AK7: variants seen among roughly 807,000 people sequenced by gnomAD.
AK7 encodes the protein adenylate kinase 7.
AK7 carries 78 observed loss-of-function variants against 96.6 expected under a neutral mutation model. The ratio of observed to expected loss-of-function variants is 0.81; its 90% confidence interval spans 0.67 to 0.97. The LOEUF is 0.97. AK7 is among the 50% of genes least tolerant of loss of function. The pLI is 0.00. For synonymous variants in AK7, 302 were observed against 317.2 expected (o/e 0.95, Z 0.51); for missense variants, 855 against 887.9 (o/e 0.96, Z 0.47).
rs536767883 is a variant in AK7 at position 96,406,070 on chromosome 14, T to C, written c.403+1205T>C. Among the ~76,000 whole-genome samples, 950 of 152,160 alleles carry C rather than the reference T, an allele frequency of 6.2e-3. 12 individuals are homozygous for C. Among genetic ancestry groups the C allele is most frequent in the African/African-American group, 0.022 (908 of 41,520 alleles). ...CAAAGCAACCTCATTTTTTTTTTTT[T>C]TGAGGCAAGATCTTGCTCTGTCACC... On this transcript the variant is annotated intron_variant, in intron 3 of 17. Transcript: ENST00000267584.
At chr14:96,429,441 G>A (rs2140063102) in intron 5 of AK7, among the ~76,000 whole-genome samples, 1 of 152,264 alleles carries the variant, frequency 6.6e-6, no homozygotes, top group Admixed American at 6.5e-5. Context: ...TCTTGGCAAT[G>A]CGGGCTCTTT....
In AK7 at chr14:96,488,250, A is replaced by G. The variant is rs2140190409; in HGVS notation, c.2134-55A>G. ...TAAATTGTAAACATTACTAATACAA[A>G]TACATGACTAATAATAACTTGTAAA... On this transcript the variant is annotated intron_variant, in intron 17 of 17. Coordinates refer to ENST00000267584, the MANE Select transcript of AK7 (RefSeq NM_152327.5). 1.7e-5 allele frequency: 25 copies of G among 1,502,656 alleles called. No homozygotes were observed. In the Middle Eastern group the frequency reaches 1.2e-3, roughly 71 times the overall value. 93.1% of individuals were successfully genotyped at this position (1,502,656 alleles called of 1,614,324 possible). A position where few individuals can be genotyped will look rare whatever the true frequency, so the allele number is the denominator to read the frequency against.
intron 5 of AK7, among the ~76,000 whole-genome samples, chr14:96,433,677 C>T (rs1892481774): frequency 6.6e-6 from 1 of 152,212 alleles, no homozygotes; most frequent in Admixed American, 6.5e-5. Context: ...CTTCTGTCAA[C>T]TCGTCAAAGT....
At chr14:96,405,655 G>A (rs1028474213) in intron 3 of AK7, among the ~76,000 whole-genome samples, 1 of 152,090 alleles carries the variant, frequency 6.6e-6, no homozygotes, top group African/African-American at 2.4e-5. Flanking sequence ...AACAAAGGGG[G>A]GTGCGCTCAC....
At chr14:96,480,421 C>T (rs974401308) in intron 15 of AK7, among the ~76,000 whole-genome samples, 12 of 150,936 alleles carry the variant, frequency 8.0e-5, no homozygotes, top group Middle Eastern at 3.2e-3. Flanking sequence ...GACAGTGAGA[C>T]TCTGTCTCAA....
intron 5 of AK7, among the ~76,000 whole-genome samples, chr14:96,424,738 G>A (rs1891924373): frequency 6.6e-6 from 1 of 152,124 alleles, no homozygotes; most frequent in South Asian, 2.1e-4. Flanking sequence ...TATGACCTTA[G>A]CCGTGTTATT....
chr14:96,404,172 A>C (rs1890576474), intron 2 of AK7, among the ~76,000 whole-genome samples: 1 of 146,672 alleles, frequency 6.8e-6, no homozygotes, highest in Non-Finnish European at 1.5e-5. Flanking sequence ...AAAAAAAAAA[A>C]ACACCAAAAA....
chr14:96,448,499 G>A (rs117963790), intron 8 of AK7, among the ~76,000 whole-genome samples: 2,589 of 151,774 alleles, frequency 0.017, 47 homozygotes, highest in Non-Finnish European at 0.026. Context: ...GCTTGGTGGT[G>A]CACATCTATA....
chr14:96,424,187 C>T lies in AK7; in HGVS notation c.609+3255C>T, dbSNP rs1220711714. On this transcript the variant is annotated intron_variant, in intron 5 of 17. Transcript: ENST00000267584. Reference sequence around the variant, plus strand: ...CGTCCACTTCCTGAAGGCTCCAGGGCCCGGACCGCTGTCTGAGGTTCACCC... The same window carrying T: ...CGTCCACTTCCTGAAGGCTCCAGGGTCCGGACCGCTGTCTGAGGTTCACCC... 1.0e-5 allele frequency: 6 copies of T among 586,554 alleles called. No homozygotes were observed. The East Asian group carries it at 2.5e-4, about 24-fold the overall frequency. The allele number at this position is 586,554 out of a possible 1,614,324, so 36.3% of individuals were successfully genotyped here.
chr14:96,464,113 AG>A (rs964299285), intron 12 of AK7, among the ~76,000 whole-genome samples: 3 of 152,144 alleles, frequency 2.0e-5, no homozygotes, highest in Admixed American at 2.0e-4. Context: ...ATTACAGAGT[AG>A]GGTGTCCTCA....
chr14:96,486,784 A>G, intron 16 of AK7, 114 bp from the exon 17 acceptor site: 1 of 882,578 alleles, frequency 1.1e-6, no homozygotes, highest in Non-Finnish European at 1.7e-6. Flanking sequence ...TGCCATCTGT[A>G]TCATAGATGG....
At chr14:96,467,989 C>T (rs1441860484) in intron 12 of AK7, among the ~76,000 whole-genome samples, 4 of 148,078 alleles carry the variant, frequency 2.7e-5, no homozygotes, top group East Asian at 4.0e-4. Context: ...GTAATCCCAG[C>T]GCTTTGAGAG....
intron 4 of AK7, among the ~76,000 whole-genome samples, chr14:96,418,477 G>A (rs1292238038): frequency 1.3e-5 from 2 of 151,336 alleles, no homozygotes; most frequent in East Asian, 3.9e-4. Context: ...CATTTTCTCA[G>A]GAGCAACTGT....
chr14:96,486,899 A>G lies in AK7; in HGVS notation c.1976A>G (p.Asn659Ser), dbSNP rs762651734. ...TTACCACCAAATATTCTATTTTAGA[A>G]TAAACGACTGGAGGAAGTGAAAAGA... ...AEKIARWEEW[N>S]KRLEEVKREE... The change falls in exon 17 of 18, where the codon AAT (asparagine) becomes AGT (serine). Residue 659 changes from asparagine to serine, a missense_variant and splice_region_variant. By Grantham distance (46) the Asn-to-Ser change is conservative (BLOSUM62 1). Transcript: ENST00000267584. 1 of 1,613,402 alleles carries G rather than the reference A, an allele frequency of 6.2e-7. No individual in the cohort carries two copies. Among genetic ancestry groups the G allele is most frequent in the Non-Finnish European group, 8.5e-7 (1 of 1,179,622 alleles).
intron 2 of AK7, chr14:96,398,598 T>G: frequency 3.3e-6 from 1 of 303,262 alleles, no homozygotes; most frequent in Non-Finnish European, 6.3e-6. Context: ...GAAGGAGAAA[T>G]AGGCCAGGCG....
chr14:96,470,046 A>G (rs1894799611), intron 12 of AK7, among the ~76,000 whole-genome samples: 1 of 152,056 alleles, frequency 6.6e-6, no homozygotes, highest in African/African-American at 2.4e-5. Flanking sequence ...TCGAACTCCC[A>G]ACCTCAGGTA....
At position 96,399,484 on chromosome 14, in the gene AK7, C is replaced by G. The variant is rs1212746060; in HGVS notation, c.294+1221C>G. 2.0e-5 allele frequency among the ~76,000 whole-genome samples: 3 copies of G among 152,228 alleles called. No homozygotes were observed. The highest frequency in any genetic ancestry group is 7.2e-5 in the African/African-American group (3 of 41,466). On this transcript the variant is annotated intron_variant, in intron 2 of 17. Transcript: ENST00000267584. This position sits in a 1 kb window ranked among gnomAD's most constrained non-coding sequence, Gnocchi z 4.1. ...CTTGGCCTCCCTGCTGGCCACCAGC[C>G]TCTTTCTCTGCCCCGGCCCCTGCCA... is the stretch of plus-strand genomic sequence containing the variant.
intron 5 of AK7, among the ~76,000 whole-genome samples, chr14:96,432,828 CAAAAAAAA>C (rs569057680): frequency 7.9e-6 from 1 of 125,994 alleles, no homozygotes; most frequent in Non-Finnish European, 1.7e-5. Context: ...ACTAAAAATA[CAAAAAAAA>C]AAAAAAAAAT....
rs748181906 is a variant in AK7 at position 96,392,192 on chromosome 14, A to C, written c.38A>C (p.Lys13Thr). The change falls in exon 1 of 18, where the codon AAG becomes ACG. Residue 13 changes from lysine to threonine, a missense_variant. Lys to Thr is a moderately conservative substitution (Grantham distance 78). Transcript: ENST00000267584. Reference protein sequence around the residue: ...EEEETAALTEKVIRTQRVFIN... With the variant: ...EEEETAALTETVIRTQRVFIN... Reference sequence around the variant, plus strand: ...GAGGAAACTGCTGCTCTCACGGAGAAGGTTATCCGGACCCAGAGGGTGTTT... The same window carrying C: ...GAGGAAACTGCTGCTCTCACGGAGACGGTTATCCGGACCCAGAGGGTGTTT... 6.2e-7 allele frequency: 1 copy of C among 1,613,726 alleles called. No homozygotes were observed. Among genetic ancestry groups the C allele is most frequent in the South Asian group, 1.1e-5 (1 of 91,086 alleles).
Sources: allele counts gnomAD v4.1 joint callset (sites outside exome capture counted in the v4.1 genomes callset), GRCh38; gene constraint gnomAD v4.1.1; non-coding constraint Gnocchi (gnomAD v3.1); transcripts MANE v1.5; gene names NCBI Gene and HGNC (gene_info 2026-07-23, HGNC 2026-07-21).